Variants in ACOX2 observed in about 807,000 individuals in gnomAD.
ACOX2 encodes acyl-CoA oxidase 2, also known as peroxisomal acyl-coenzyme A oxidase 2.
Under a neutral mutation model 77.5 loss-of-function variants are expected in ACOX2, and 59 were observed. The ratio of observed to expected loss-of-function variants is 0.76; its 90% CI spans 0.62 to 0.95. The LOEUF (loss-of-function observed/expected upper bound fraction) is 0.95, where lower values mean the gene tolerates loss of function less well. Ranked by LOEUF, ACOX2 falls within the 40% of genes least tolerant of loss-of-function variation. ACOX2 has a pLI of 0.00. For synonymous variants in ACOX2, 317 were observed against 340.1 expected, an observed-to-expected ratio of 0.93 and a Z score of 0.75; for missense variants, 837 against 880.4, an observed-to-expected ratio of 0.95 and a Z score of 0.62.
In ACOX2 at chr3:58,522,406, G is replaced by T; in HGVS notation, c.1632+90C>A. On this transcript the variant is annotated intron_variant, in intron 12 of 14. Transcript: ENST00000302819. The surrounding 1 kb of genome is among the most constrained non-coding windows in gnomAD (Gnocchi z 4.3). ...CAGCCGCCACTGAAGCAGAGTTGGG[G>T]AATAATGGCAGAGCCCGGATTTTCC... 7.8e-7 allele frequency: 1 copy of T among 1,274,994 alleles called. No individual in the cohort carries two copies. The highest frequency in any genetic ancestry group is 1.1e-6 in the Non-Finnish European group (1 of 885,990). 79.0% of individuals were successfully genotyped at this position (1,274,994 alleles called of 1,614,324 possible).
chr3:58,535,004 G>A lies in ACOX2; in HGVS notation c.103C>T (p.Arg35Trp), dbSNP rs142584671. ...CCTCCATCAAGGATGTTGGTGAGCC[G>A]TTCCACGTCAAAGGACTGCATATAC... The part of the protein sequence containing the change: ...ERYMQSFDVE[R>W]LTNILDGGAQ... The change falls in exon 2 of 15, where the codon CGG (arginine) becomes TGG (tryptophan). Residue 35 changes from arginine (R) to tryptophan (W), a missense_variant. Transcript: ENST00000302819. The surrounding 1 kb of genome is among the most constrained non-coding windows in gnomAD (Gnocchi z 4.8). The A allele has an allele frequency of 6.9e-4, 1,117 of 1,614,190 alleles. 3 individuals carry two copies. Among genetic ancestry groups the A allele is most frequent in the East Asian group, 2.9e-3 (129 of 44,876 alleles).
At chr3:58,530,857 G>A (rs56660691) in intron 7 of ACOX2, among the ~76,000 whole-genome samples, 8,088 of 152,220 alleles carry the variant, frequency 0.053, 414 homozygotes, top group African/African-American at 0.14. Flanking sequence ...ATAACTAAAG[G>A]GGTGATGCCT....
rs899976718 is a variant in ACOX2 at position 58,525,344 on chromosome 3, C to A, written c.1347-739G>T. On this transcript the variant is annotated intron_variant, in intron 10 of 14. Coordinates refer to ENST00000302819, the MANE Select transcript of ACOX2 (RefSeq NM_003500.4). This position sits in a 1 kb window ranked among gnomAD's most constrained non-coding sequence, Gnocchi z 5.0. ...GTTTTTCATATTTGCCAGTGAACTTCTTTCTCCTTGCATAGGGAAGCATTT... is the reference window on the plus strand; with the variant it reads ...GTTTTTCATATTTGCCAGTGAACTTATTTCTCCTTGCATAGGGAAGCATTT... Among the ~76,000 whole-genome samples, 3 of 152,194 alleles carry A rather than the reference C, an allele frequency of 2.0e-5. No homozygotes were observed. The highest frequency in any genetic ancestry group is 1.3e-4 in the Admixed American group (2 of 15,286).
At chr3:58,536,032 C>T (rs1406801331) in intron 1 of ACOX2, among the ~76,000 whole-genome samples, 2 of 152,004 alleles carry the variant, frequency 1.3e-5, no homozygotes, top group South Asian at 2.1e-4. Context: ...GTTTTCCTCT[C>T]CTGCTTGGAA....
chr3:58,505,650 C>T lies in ACOX2; in HGVS notation c.1984-364G>A, dbSNP rs1421765168. On this transcript the variant is annotated intron_variant, in intron 14 of 14. Transcript: ENST00000302819. The surrounding 1 kb of genome is among the most constrained non-coding windows in gnomAD (Gnocchi z 4.4). Reference sequence around the variant, plus strand: ...GATCATATAAGCAGTATTCTAGGTCCGACTAGGTTATCCTCATTATGCTGT... The same window carrying T: ...GATCATATAAGCAGTATTCTAGGTCTGACTAGGTTATCCTCATTATGCTGT... Among the ~76,000 whole-genome samples the T allele has an allele frequency of 2.0e-5, 3 of 152,132 alleles. No individual in the cohort carries two copies. The highest frequency in any genetic ancestry group is 1.3e-4 in the Admixed American group (2 of 15,262).
chr3:58,529,475 C>G (rs1326698361), intron 8 of ACOX2, among the ~76,000 whole-genome samples: 2 of 152,204 alleles, frequency 1.3e-5, no homozygotes, highest in South Asian at 4.1e-4. Context: ...AAGGCTATGT[C>G]CGGCATTTAG....
chr3:58,507,525 A>T (rs564197214), intron 14 of ACOX2, among the ~76,000 whole-genome samples: 276 of 152,268 alleles, frequency 1.8e-3, no homozygotes, highest in African/African-American at 6.4e-3. Flanking sequence ...CCAGTATAAC[A>T]GGTTTGGGCT....
Position 58,531,793 on chromosome 3 carries a change from A to C in ACOX2, c.603T>G (p.His201Gln). ...WPGDLGRSAT[H>Q]ALVQAQLICS... The stretch of plus-strand genomic sequence containing the variant: ...AGATCAGCTGGGCCTGGACCAGGGC[A>C]TGGGTGGCTGACCGTCCCACTGAGG... Residue 201 changes from histidine to glutamine, a missense_variant, in exon 6 of 15, where the codon CAT (histidine) becomes CAG (glutamine). His to Gln is a conservative substitution (Grantham distance 24). Coordinates refer to ENST00000302819, the MANE Select transcript of ACOX2 (RefSeq NM_003500.4). This position sits in a 1 kb window ranked among gnomAD's most constrained non-coding sequence, Gnocchi z 5.8. 6.2e-7 allele frequency: 1 copy of C among 1,613,956 alleles called. No homozygotes were observed.
At position 58,522,579 on chromosome 3, in the gene ACOX2, G is replaced by C; in HGVS notation, c.1549C>G (p.His517Asp). The change falls in exon 12 of 15, where the codon CAT (histidine) becomes GAT (aspartate). Residue 517 changes from histidine (H) to aspartate (D), a missense_variant. His to Asp is a moderately conservative substitution (Grantham distance 81). Coordinates refer to ENST00000302819, the MANE Select transcript of ACOX2 (RefSeq NM_003500.4). The surrounding 1 kb of genome is among the most constrained non-coding windows in gnomAD (Gnocchi z 4.3). ...AVRLIKDSVQ[H>D]LQTLTQSGAD... ...CCGGATTGCGTCAGGGTCTGTAAAT[G>C]CTGCACTGAGTCCTTTATGAGCCTG... is the stretch of plus-strand genomic sequence containing the variant. The C allele has an allele frequency of 6.2e-7, 1 of 1,614,170 alleles. No individual in the cohort carries two copies. The highest frequency in any genetic ancestry group is 8.5e-7 in the Non-Finnish European group (1 of 1,180,016).
rs1359946376 is a variant in ACOX2, at chr3:58,519,542, G to A, written c.1633-2119C>T. On this transcript the variant is annotated intron_variant, in intron 12 of 14. Transcript: ENST00000302819. This position sits in a 1 kb window ranked among gnomAD's most constrained non-coding sequence, Gnocchi z 5.0. ...TGAGGCTGAAGTGTGGTGGTATAAT[G>A]AGGTGATGATGGGGAACCATGGAGG... Among the ~76,000 whole-genome samples the A allele has an allele frequency of 6.6e-6, 1 of 152,164 alleles. No individual in the cohort carries two copies. The highest frequency in any genetic ancestry group is 1.5e-5 in the Non-Finnish European group (1 of 68,028).
Position 58,526,549 on chromosome 3 carries a change from A to G in ACOX2, c.1263T>C (p.Ser421=). The change falls in exon 10 of 15, where the codon AGT becomes AGC. Residue 421 remains serine, a synonymous_variant. Coordinates refer to ENST00000302819, the MANE Select transcript of ACOX2 (RefSeq NM_003500.4). The surrounding 1 kb of genome is among the most constrained non-coding windows in gnomAD (Gnocchi z 4.3). The stretch of plus-strand genomic sequence containing the variant: ...ATTTGGTGACCAGTGATGGCAGGCC[A>G]CTCAGCTTTGAGTAGCCATGTCCGC... ...ACGGHGYSKL[S]GLPSLVTKLS... The G allele has an allele frequency of 6.2e-7, 1 of 1,614,164 alleles. No homozygotes were observed. Among genetic ancestry groups the G allele is most frequent in the Non-Finnish European group, 8.5e-7 (1 of 1,180,024 alleles).
Position 58,531,141 on chromosome 3 carries a change from G to T in ACOX2, c.819+110C>A. The T allele has an allele frequency of 1.1e-6, 1 of 880,646 alleles. No individual in the cohort carries two copies. Among genetic ancestry groups the T allele is most frequent in the Non-Finnish European group, 1.8e-6 (1 of 571,052 alleles). 54.6% of individuals were successfully genotyped at this position (880,646 alleles called of 1,614,324 possible). A position where few individuals can be genotyped will look rare whatever the true frequency, so the allele number is the denominator to read the frequency against. On this transcript the variant is annotated intron_variant, in intron 7 of 14. Transcript: ENST00000302819. The surrounding 1 kb of genome is among the most constrained non-coding windows in gnomAD (Gnocchi z 5.8). Reference sequence around the variant, plus strand: ...GATATCAGAGCCTCTCTTGGGGGAGGAGGTTATGTGGCCCAAACTAAGCTC... The same window carrying T: ...GATATCAGAGCCTCTCTTGGGGGAGTAGGTTATGTGGCCCAAACTAAGCTC...
In ACOX2 at chr3:58,512,378, A is replaced by G. The variant is rs761497929; in HGVS notation, c.1851-3353T>C. Among the ~76,000 whole-genome samples, 7 of 152,234 alleles carry G rather than the reference A, an allele frequency of 4.6e-5. No homozygotes were observed. Among genetic ancestry groups the G allele is most frequent in the Admixed American group, 6.5e-5 (1 of 15,282 alleles). On this transcript the variant is annotated intron_variant, in intron 13 of 14. Transcript: ENST00000302819. The surrounding 1 kb of genome is among the most constrained non-coding windows in gnomAD (Gnocchi z 4.8). ...ACTTGGATGATTGCATTAGCGATCC[A>G]GCTGATCTCCCTGCTTTTCACTCTT...
At position 58,526,201 on chromosome 3, in the gene ACOX2, T is replaced by C. The variant is rs1474910941; in HGVS notation, c.1346+265A>G. Among the ~76,000 whole-genome samples the C allele has an allele frequency of 6.6e-6, 1 of 152,178 alleles. No individual in the cohort carries two copies. Among genetic ancestry groups the C allele is most frequent in the African/African-American group, 2.4e-5 (1 of 41,432 alleles). ...GAAAGATGTGATCCTCCCTAGGCTC[T>C]GAACAGATCCCTCCGGCTGCCTGTG... On this transcript the variant is annotated intron_variant, in intron 10 of 14. Coordinates refer to ENST00000302819, the MANE Select transcript of ACOX2 (RefSeq NM_003500.4). The surrounding 1 kb of genome is among the most constrained non-coding windows in gnomAD (Gnocchi z 4.3).
chr3:58,509,503 G>C (rs1366743778), intron 13 of ACOX2, among the ~76,000 whole-genome samples: 1 of 151,392 alleles, frequency 6.6e-6, no homozygotes, highest in Non-Finnish European at 1.5e-5. Context: ...CTCCAGCCTG[G>C]GCGACAGAGT....
chr3:58,529,466 A>G (rs1282282883), intron 8 of ACOX2, among the ~76,000 whole-genome samples: 1 of 152,234 alleles, frequency 6.6e-6, no homozygotes, highest in Non-Finnish European at 1.5e-5. Context: ...TCAGTGCCCA[A>G]GGCTATGTCC....
In ACOX2 at chr3:58,526,586, C is replaced by G. The variant is rs746437214; in HGVS notation, c.1226G>C (p.Arg409Pro). 1.9e-6 allele frequency: 3 copies of G among 1,614,202 alleles called. No homozygotes were observed. The East Asian group carries it at 6.7e-5, about 36-fold the overall frequency. ...GTAGCCATGTCCGCCACAGGCCCTG[C>G]GGCACATCTCAGCTCCCTGGGTGCA... ...EFCTQGAEMC[R>P]RACGGHGYSK... is the part of the protein sequence containing the mutation. Residue 409 changes from arginine to proline, a missense_variant, in exon 10 of 15, where the codon CGC becomes CCC. By Grantham distance (103) the Arg-to-Pro change is moderately radical (BLOSUM62 -2). Coordinates refer to ENST00000302819, the MANE Select transcript of ACOX2 (RefSeq NM_003500.4). The surrounding 1 kb of genome is among the most constrained non-coding windows in gnomAD (Gnocchi z 4.3).
Position 58,505,218 on chromosome 3 carries a change from G to A in ACOX2, c.*6C>T, listed in dbSNP as rs186380643. 131 of 1,611,750 alleles carry A rather than the reference G, an allele frequency of 8.1e-5. 1 individual carries two copies. In the East Asian group the frequency reaches 2.7e-3, roughly 33 times the overall value. On this transcript the variant is annotated 3_prime_UTR_variant, in exon 15 of 15. Transcript: ENST00000302819. The surrounding 1 kb of genome is among the most constrained non-coding windows in gnomAD (Gnocchi z 4.4). ...GCTGGTTGCTTCTTGAATACTGTTG[G>A]TTATTTCATAGCTTGGATCTCCAAC...
intron 13 of ACOX2, among the ~76,000 whole-genome samples, chr3:58,516,667 A>C (rs2063323658): frequency 6.6e-6 from 1 of 152,050 alleles, no homozygotes; most frequent in Non-Finnish European, 1.5e-5. Context: ...GCGAAACCCC[A>C]TCTCTACTAA....
Sources: gnomAD v4.1 joint callset for allele counts (sites outside exome capture counted in the v4.1 genomes callset) on GRCh38, gnomAD v4.1.1 for gene constraint, Gnocchi (gnomAD v3.1) non-coding constraint, MANE v1.5 for transcripts, NCBI Gene and HGNC (gene_info 2026-07-23, HGNC 2026-07-21) for gene names.